The following COL21A1 variants were observed in gnomAD, a reference collection of about 807,000 sequenced individuals.
COL21A1 encodes the protein collagen type XXI alpha 1 chain, also known as collagen alpha-1(XXI) chain.
A neutral mutation model predicts 137.9 loss-of-function variants in COL21A1; 149 were observed. The ratio of observed to expected loss-of-function variants is 1.08; its 90% CI spans 0.95 to 1.24. COL21A1 has a LOEUF of 1.24. Ranked by LOEUF, COL21A1 falls within the 50% of genes most tolerant of loss-of-function variation. The pLI, the probability that COL21A1 is intolerant of heterozygous loss-of-function variation, is 0.00. For missense variants in COL21A1, 1,167 were observed against 1,158.4 expected, an observed-to-expected ratio of 1.01 and a Z score of -0.11; for synonymous variants, 456 against 391.5, an observed-to-expected ratio of 1.16 and a Z score of -1.95.
At chr6:56,307,224 G>A (rs1261087395) in intron 1 of COL21A1, among the ~76,000 whole-genome samples, 1 of 152,196 alleles carries the variant, frequency 6.6e-6, no homozygotes, top group Non-Finnish European at 1.5e-5. Context: ...GCTACATGCT[G>A]GGAGAACCAC....
At chr6:56,331,139 G>C (rs1328481866) in intron 1 of COL21A1, among the ~76,000 whole-genome samples, 1 of 151,882 alleles carries the variant, frequency 6.6e-6, no homozygotes, top group Admixed American at 6.6e-5. Flanking sequence ...CTTTTTAATG[G>C]AGTTATTTGG....
chr6:56,077,016 T>C (rs1767300057), intron 18 of COL21A1, among the ~76,000 whole-genome samples: 1 of 151,404 alleles, frequency 6.6e-6, no homozygotes, highest in African/African-American at 2.4e-5. Context: ...GAATGATAAT[T>C]AGAATGACAG....
chr6:56,070,875 A>T, intron 20 of COL21A1, 77 bp from the exon 21 acceptor site: 1 of 1,041,862 alleles, frequency 9.6e-7, no homozygotes, highest in Non-Finnish European at 1.4e-6. Flanking sequence ...CACTTAAGGG[A>T]ATATATGTAA....
chr6:56,367,454 C>T (rs1766127595), intron 1 of COL21A1, among the ~76,000 whole-genome samples: 1 of 152,150 alleles, frequency 6.6e-6, no homozygotes, highest in Non-Finnish European at 1.5e-5. Flanking sequence ...AAAATTTCCT[C>T]CCTCTCAAGA....
chr6:56,081,368 C>T (rs4544908), intron 17 of COL21A1, among the ~76,000 whole-genome samples: 23,031 of 151,590 alleles, frequency 0.15, 1,780 homozygotes, highest in Middle Eastern at 0.22. Flanking sequence ...GCCAACAAGT[C>T]GGCATTGCCC....
chr6:56,164,441 T>G lies in COL21A1; in HGVS notation c.1353A>C (p.Pro451=), dbSNP rs1300182137. The G allele has an allele frequency of 3.2e-6, 5 of 1,586,858 alleles. No individual in the cohort carries two copies. The highest frequency in any genetic ancestry group is 4.3e-6 in the Non-Finnish European group (5 of 1,165,506). ...PAPCICPPGK[P]GLQGPKGDPG... is the part of the protein sequence containing the mutation. ...TACCCACTTTGGGGCCTTGAAGTCC[T>G]GGTTTTCCCGGAGGACAAATACAGG... Residue 451 remains proline (P), a synonymous_variant, in exon 9 of 30, where the codon CCA becomes CCC. Transcript: ENST00000244728.
At chr6:56,069,142 A>G (rs1766517222) in intron 21 of COL21A1, 25 bp from the exon 22 acceptor site, 1 of 1,504,268 alleles carries the variant, frequency 6.6e-7, no homozygotes, top group Non-Finnish European at 9.1e-7. Context: ...AATTCCAGAA[A>G]GATCACAGAT....
At position 56,179,657 on chromosome 6, in the gene COL21A1, C is replaced by T. The variant is rs376475214; in HGVS notation, c.561G>A (p.Ser187=). The part of the protein sequence containing the change: ...AELRAIANKP[S]STYVFYVEDY... ...CTTCCACATAAAACACATAAGTAGACGAAGGCTTGTTGGCAATAGCTCTAA... is the reference window on the plus strand; with the variant it reads ...CTTCCACATAAAACACATAAGTAGATGAAGGCTTGTTGGCAATAGCTCTAA... The change falls in exon 3 of 30, where the codon TCG becomes TCA. Residue 187 remains serine (S), a synonymous_variant. Transcript: ENST00000244728. 46 of 1,613,862 alleles carry T rather than the reference C, an allele frequency of 2.9e-5. No homozygotes were observed. The African/African-American group carries it at 4.8e-4, about 17-fold the overall frequency.
chr6:56,229,669 G>A (rs1204347741), intron 1 of COL21A1, among the ~76,000 whole-genome samples: 2 of 151,892 alleles, frequency 1.3e-5, no homozygotes, highest in East Asian at 3.9e-4. Context: ...TGAGGAGTAT[G>A]GTCATTTTCC....
At chr6:56,206,645 T>G (rs930752464) in intron 1 of COL21A1, among the ~76,000 whole-genome samples, 2 of 148,648 alleles carry the variant, frequency 1.3e-5, no homozygotes, top group African/African-American at 4.9e-5. Context: ...GTGGACCTAA[T>G]AGACATCTAC....
rs537037629 is a variant in COL21A1 at position 56,263,668 on chromosome 6, T to G, written c.-38-81012A>C. Among the ~76,000 whole-genome samples, 29 of 152,322 alleles carry G rather than the reference T, an allele frequency of 1.9e-4. No homozygotes were observed. The South Asian group carries it at 5.6e-3, about 29-fold the overall frequency. On this transcript the variant is annotated intron_variant, in intron 1 of 28. Coordinates refer to the COL21A1 transcript ENST00000370819. ...CAAATCATAGCTCACTTAAGCTGTG[T>G]TTTATTCTGTATTCTAGGAACCCAC...
intron 17 of COL21A1, among the ~76,000 whole-genome samples, chr6:56,080,445 AGTT>A (rs1485697486): frequency 6.6e-6 from 1 of 151,810 alleles, no homozygotes; most frequent in Admixed American, 6.6e-5. Context: ...ACAACAAACA[AGTT>A]GTTAAGAATA....
chr6:56,247,268 G>C (rs1782706899), intron 1 of COL21A1, 119 bp downstream of exon 1: 1 of 152,268 alleles, frequency 6.6e-6, no homozygotes, highest in Non-Finnish European at 1.5e-5. Context: ...TTGGCGCAGG[G>C]AGAAGACTGC....
At chr6:56,366,417 AATTCTCAGAAGCTGAG>A (rs1235226682) in intron 1 of COL21A1, among the ~76,000 whole-genome samples, 1 of 152,198 alleles carries the variant, frequency 6.6e-6, no homozygotes, top group Non-Finnish European at 1.5e-5. Context: ...GGATCATGTC[AATTCTCAGAAGCTGAG>A]AATCAGGAGT....
intron 29 of COL21A1, 97 bp downstream of exon 29, chr6:56,059,068 C>A: frequency 2.2e-6 from 2 of 898,642 alleles, no homozygotes; most frequent in Non-Finnish European, 3.6e-6. Context: ...AAAAAGAAAA[C>A]AGATGTCTCA....
chr6:56,083,543 C>T (rs939116802), intron 17 of COL21A1, among the ~76,000 whole-genome samples: 2 of 151,806 alleles, frequency 1.3e-5, no homozygotes, highest in African/African-American at 2.4e-5. Flanking sequence ...GTGGAAAGTA[C>T]CAGGTTCCAG....
intron 1 of COL21A1, among the ~76,000 whole-genome samples, chr6:56,256,658 A>C (rs1415302075): frequency 6.6e-6 from 1 of 152,072 alleles, no homozygotes; most frequent in Non-Finnish European, 1.5e-5. Flanking sequence ...TTCAAGCCTA[A>C]TTATCTGTTC....
chr6:56,231,471 A>AATGT (rs1442419752), intron 1 of COL21A1, among the ~76,000 whole-genome samples: 13 of 151,834 alleles, frequency 8.6e-5, no homozygotes, highest in African/African-American at 3.1e-4. Context: ...AACCAAGACC[A>AATGT]CTAAGACATT....
chr6:56,187,660 C>T (rs1184520381), intron 1 of COL21A1, among the ~76,000 whole-genome samples: 1 of 152,158 alleles, frequency 6.6e-6, no homozygotes, highest in African/African-American at 2.4e-5. Flanking sequence ...GGACTCCTAC[C>T]TCATTTCACA....
Sources: gnomAD v4.1 joint callset for allele counts (sites outside exome capture counted in the v4.1 genomes callset) on GRCh38, gnomAD v4.1.1 for gene constraint, MANE v1.5 for transcripts, NCBI Gene and HGNC (gene_info 2026-07-23, HGNC 2026-07-21) for gene names.